COL28A1: variants seen among roughly 807,000 people sequenced by gnomAD.
COL28A1 encodes the protein collagen type XXVIII alpha 1 chain, also known as collagen alpha-1(XXVIII) chain.
A neutral mutation model predicts 150.2 loss-of-function variants in COL28A1; 161 were observed. The observed-to-expected ratio is 1.07, with a 90% CI of 0.94 to 1.22. The LOEUF (loss-of-function observed/expected upper bound fraction) is 1.22, where lower values mean the gene tolerates loss of function less well. Ranked by LOEUF, COL28A1 falls within the 50% of genes most tolerant of loss-of-function variation. COL28A1 has a pLI of 0.00. For synonymous variants in COL28A1, 552 were observed against 469.7 expected, an observed-to-expected ratio of 1.18 and a Z score of -2.26; for missense variants, 1,617 against 1,388.3, an observed-to-expected ratio of 1.16 and a Z score of -2.62.
intron 23 of COL28A1, among the ~76,000 whole-genome samples, chr7:7,435,492 C>G (rs1785276888): frequency 6.6e-6 from 1 of 152,070 alleles, no homozygotes; most frequent in South Asian, 2.1e-4. Context: ...TTCCAGGAAC[C>G]CCTTCAATCC....
intron 6 of COL28A1, among the ~76,000 whole-genome samples, chr7:7,518,998 T>C (rs753692381): frequency 5.9e-5 from 9 of 152,232 alleles, no homozygotes; most frequent in Non-Finnish European, 1.2e-4. Context: ...TCCATTACAT[T>C]TGATGCAAAT....
chr7:7,375,366 A>G (rs1405135340), intron 31 of COL28A1, 95 bp downstream of exon 31: 3 of 1,158,268 alleles, frequency 2.6e-6, no homozygotes, highest in South Asian at 2.5e-5. Context: ...CGCTAGCTAT[A>G]TAATATACAT....
At chr7:7,383,790 G>C (rs1782030822) in intron 27 of COL28A1, among the ~76,000 whole-genome samples, 1 of 149,910 alleles carries the variant, frequency 6.7e-6, no homozygotes, top group African/African-American at 2.4e-5. Context: ...TTAGCCTTCT[G>C]ATGCACATTT....
At chr7:7,522,117 T>C (rs1285474584) in intron 4 of COL28A1, 156 bp from the exon 5 acceptor site, 2 of 685,564 alleles carry the variant, frequency 2.9e-6, no homozygotes, top group South Asian at 1.5e-5. Flanking sequence ...TGGAGCACTC[T>C]CAAAGAAATT....
intron 33 of COL28A1, among the ~76,000 whole-genome samples, chr7:7,365,955 A>G (rs572088106): frequency 1.4e-4 from 21 of 152,312 alleles, no homozygotes; most frequent in African/African-American, 4.8e-4. Context: ...TGGGGCCTTT[A>G]GGAACACCTT....
intron 7 of COL28A1, among the ~76,000 whole-genome samples, chr7:7,517,001 C>G (rs10227544): frequency 0.02 from 3,076 of 152,154 alleles, 100 homozygotes; most frequent in African/African-American, 0.07. Flanking sequence ...AGATAATAAG[C>G]TTTTTAAAAA....
intron 25 of COL28A1, among the ~76,000 whole-genome samples, chr7:7,428,240 T>C (rs1298077077): frequency 2.0e-5 from 3 of 152,156 alleles, no homozygotes; most frequent in Non-Finnish European, 4.4e-5. Context: ...TAACCCCAAA[T>C]CCAGGTTAGA....
At chr7:7,341,153 T>C in the COL28A1 span, among the ~76,000 whole-genome samples, 5 of 152,144 alleles carry the variant, frequency 3.3e-5, no homozygotes, top group Non-Finnish European at 5.9e-5. Flanking sequence ...CAACAGAAAT[T>C]ATACGACTCC....
intron 21 of COL28A1, among the ~76,000 whole-genome samples, chr7:7,439,797 A>G (rs925247404): frequency 4.6e-5 from 7 of 152,184 alleles, no homozygotes; most frequent in Non-Finnish European, 1.0e-4. Context: ...GGGCTCACTC[A>G]CCACTGAATC....
At chr7:7,503,260 A>C (rs554938215) in intron 11 of COL28A1, among the ~76,000 whole-genome samples, 53 of 152,352 alleles carry the variant, frequency 3.5e-4, no homozygotes, top group African/African-American at 1.2e-3. Context: ...CCCATTGCTT[A>C]AACTCTTTGT....
Position 7,373,087 on chromosome 7 carries a change from G to T in COL28A1, c.2819C>A (p.Pro940His). ...TTCTTTGTGGAATATTTCAAAGTTG[G>T]GATCATTTTTCTTCACCACCCCTAT... ...FVIGVVKKND[P>H]NFEIFHKEMN... Residue 940 changes from proline (P) to histidine (H), a missense_variant, in exon 32 of 35, where the codon CCC becomes CAC. Transcript: ENST00000399429. This position sits in a 1 kb window ranked among gnomAD's most constrained non-coding sequence, Gnocchi z 4.1. 2 of 1,614,086 alleles carry T rather than the reference G, an allele frequency of 1.2e-6. No individual in the cohort carries two copies. Among genetic ancestry groups the T allele is most frequent in the Non-Finnish European group, 1.7e-6 (2 of 1,179,986 alleles).
intron 21 of COL28A1, among the ~76,000 whole-genome samples, chr7:7,438,803 G>T (rs1365517014): frequency 2.0e-5 from 3 of 152,164 alleles, no homozygotes; most frequent in African/African-American, 7.2e-5. Flanking sequence ...CTTCTCTACG[G>T]TAGGTGGGCC....
intron 25 of COL28A1, 166 bp from the exon 26 acceptor site, chr7:7,420,119 A>T (rs1029561235): frequency 4.8e-6 from 2 of 412,920 alleles, no homozygotes; most frequent in Admixed American, 8.3e-5. Context: ...TCTTCAAACC[A>T]ACAGATCCAG....
intron 15 of COL28A1, among the ~76,000 whole-genome samples, chr7:7,460,609 C>A (rs1012102348): frequency 3.6e-4 from 55 of 152,232 alleles, no homozygotes; most frequent in African/African-American, 1.3e-3. Flanking sequence ...GTCTCGATCT[C>A]CTGACCTCGT....
chr7:7,385,491 C>A (rs1210775720), intron 27 of COL28A1, among the ~76,000 whole-genome samples: 4 of 152,108 alleles, frequency 2.6e-5, no homozygotes, highest in African/African-American at 9.7e-5. Context: ...CAAAGTGAAT[C>A]CAGAAAGAAT....
At chr7:7,530,026 T>C (rs10278024) in intron 3 of COL28A1, among the ~76,000 whole-genome samples, 3,225 of 152,118 alleles carry the variant, frequency 0.021, 110 homozygotes, top group African/African-American at 0.073. Flanking sequence ...CTAGAAACAA[T>C]AGTAACTTTG....
At chr7:7,342,209 C>G in the COL28A1 span, among the ~76,000 whole-genome samples, 1 of 152,002 alleles carries the variant, frequency 6.6e-6, no homozygotes, top group Non-Finnish European at 1.5e-5. Context: ...TCCAATAATG[C>G]TCTTTTGCCT....
At chr7:7,348,984 A>C in the COL28A1 span, among the ~76,000 whole-genome samples, 1 of 152,072 alleles carries the variant, frequency 6.6e-6, no homozygotes, top group Admixed American at 6.6e-5. Flanking sequence ...GGTCTCAAGC[A>C]ATCCTCCCTC....
intron 11 of COL28A1, among the ~76,000 whole-genome samples, chr7:7,499,697 G>T (rs371858328): frequency 6.6e-6 from 1 of 152,220 alleles, no homozygotes; most frequent in Non-Finnish European, 1.5e-5. Context: ...CAAGATGCTT[G>T]TTTGAGGAGA....
Sources: gnomAD v4.1 joint callset for allele counts (sites outside exome capture counted in the v4.1 genomes callset) on GRCh38, gnomAD v4.1.1 for gene constraint, Gnocchi (gnomAD v3.1) non-coding constraint, MANE v1.5 for transcripts, NCBI Gene and HGNC (gene_info 2026-07-23, HGNC 2026-07-21) for gene names.